Variants in ITPR1 observed in about 807,000 individuals in gnomAD.
ITPR1 encodes inositol 1,4,5-trisphosphate receptor type 1, also known as inositol 1,4,5-trisphosphate-gated calcium channel ITPR1.
In ITPR1, 96 loss-of-function variants were observed where a neutral mutation model predicts 318.4. The ratio of observed to expected loss-of-function variants is 0.30; its 90% CI spans 0.26 to 0.36. ITPR1 has a LOEUF of 0.36. ITPR1 is among the 10% of genes least tolerant of loss of function. The probability of loss-of-function intolerance (pLI) is 1.00; values close to 1 mark genes in which losing one functional copy is unlikely to be tolerated. For missense variants in ITPR1, 2,440 were observed against 3,460.2 expected, an observed-to-expected ratio of 0.71 and a Z score of 7.40; for synonymous variants, 1,312 against 1,289.9, an observed-to-expected ratio of 1.02 and a Z score of -0.37.
At chr3:4,635,081 G>C (rs2093142993) in intron 5 of ITPR1, among the ~76,000 whole-genome samples, 2 of 152,130 alleles carry the variant, frequency 1.3e-5, no homozygotes, top group African/African-American at 4.8e-5. Flanking sequence ...TTACTTCCTT[G>C]TTTGGCAGTA....
chr3:4,638,546 T>G (rs1362691368), intron 5 of ITPR1, among the ~76,000 whole-genome samples: 3 of 152,366 alleles, frequency 2.0e-5, no homozygotes, highest in Admixed American at 6.5e-5. Flanking sequence ...CAGTCTCATT[T>G]GTGACTATAC....
chr3:4,802,725 A>T (rs1275563586), intron 54 of ITPR1, among the ~76,000 whole-genome samples: 1 of 152,108 alleles, frequency 6.6e-6, no homozygotes, highest in Non-Finnish European at 1.5e-5. Flanking sequence ...GCTACTTGGG[A>T]GGCTGAGGCA....
intron 20 of ITPR1, 32 bp from the exon 21 acceptor site, chr3:4,673,104 C>A (rs372043010): frequency 6.3e-7 from 1 of 1,592,320 alleles, no homozygotes; most frequent in South Asian, 1.1e-5. Context: ...ATTTCTGGAG[C>A]GTGAGCTGTG....
At chr3:4,598,266 A>C (rs1053026530) in intron 4 of ITPR1, among the ~76,000 whole-genome samples, 2 of 152,146 alleles carry the variant, frequency 1.3e-5, no homozygotes, top group Non-Finnish European at 2.9e-5. Context: ...GTGATACTTG[A>C]GTGTAGCAAG....
intron 32 of ITPR1, among the ~76,000 whole-genome samples, chr3:4,693,019 C>A (rs934015920): frequency 1.3e-5 from 2 of 152,134 alleles, no homozygotes; most frequent in African/African-American, 4.8e-5. Flanking sequence ...ACTCAGGAGG[C>A]TGAGGCAGGA....
intron 13 of ITPR1, 131 bp from the exon 14 acceptor site, chr3:4,660,857 G>T: frequency 2.1e-6 from 1 of 467,448 alleles, no homozygotes; most frequent in Non-Finnish European, 3.8e-6. Context: ...GCCCCTTCGT[G>T]TATACTGCCC....
At chr3:4,734,990 G>A (rs188803953) in intron 43 of ITPR1, among the ~76,000 whole-genome samples, 174 bp from the exon 44 acceptor site, 1 of 152,338 alleles carries the variant, frequency 6.6e-6, no homozygotes, top group Non-Finnish European at 1.5e-5. Flanking sequence ...CTTAGGGAAA[G>A]CACCTTCATC....
intron 4 of ITPR1, among the ~76,000 whole-genome samples, chr3:4,618,767 C>T (rs2092482995): frequency 6.6e-6 from 1 of 152,190 alleles, no homozygotes; most frequent in Non-Finnish European, 1.5e-5. Flanking sequence ...GTAGCAGTGA[C>T]ATGCCCTACA....
In ITPR1 at chr3:4,670,859, G is replaced by A; in HGVS notation, c.2137G>A (p.Val713Met). The part of the protein sequence containing the change: ...DSNKEIRSKS[V>M]RELAQDAKEG... ...CAACAAAGAGATTCGCAGCAAGAGTGTGAGGGAATTGGCTCAGGATGCTAA... is the reference window on the plus strand; with the variant it reads ...CAACAAAGAGATTCGCAGCAAGAGTATGAGGGAATTGGCTCAGGATGCTAA... The change falls in exon 20 of 62, where the codon GTG becomes ATG. Residue 713 changes from valine (V) to methionine (M), a missense_variant. Coordinates refer to ENST00000649015, the MANE Select transcript of ITPR1 (RefSeq NM_001378452.1). 3 of 1,610,740 alleles carry A rather than the reference G, an allele frequency of 1.9e-6. No homozygotes were observed. Among genetic ancestry groups the A allele is most frequent in the Non-Finnish European group, 2.5e-6 (3 of 1,178,376 alleles).
intron 33 of ITPR1, among the ~76,000 whole-genome samples, chr3:4,695,764 T>G (rs142564174): frequency 8.4e-4 from 128 of 152,336 alleles, no homozygotes; most frequent in African/African-American, 2.8e-3. Context: ...TTCCTTTGCT[T>G]TGGAGCATTC....
intron 13 of ITPR1, among the ~76,000 whole-genome samples, chr3:4,658,689 G>A (rs979407854): frequency 1.3e-5 from 2 of 151,940 alleles, no homozygotes; most frequent in Non-Finnish European, 1.5e-5. Context: ...GAAGTTCACT[G>A]TTTGCATAGT....
Position 4,784,583 on chromosome 3 carries a change from A to T in ITPR1, c.6615+663A>T, listed in dbSNP as rs1248339262. ...TGTTTTTTGTTTTTTTTTTTTTTTTAAAAAAGGTGTCATGTGGCTGGGCAC... is the reference window on the plus strand; with the variant it reads ...TGTTTTTTGTTTTTTTTTTTTTTTTTAAAAAGGTGTCATGTGGCTGGGCAC... On this transcript the variant is annotated intron_variant, in intron 51 of 61. Transcript: ENST00000649015. Among the ~76,000 whole-genome samples, 55 of 107,964 alleles carry T rather than the reference A, an allele frequency of 5.1e-4. No homozygotes were observed. The East Asian group carries it at 6.8e-3, about 13-fold the overall frequency. 70.8% of individuals were successfully genotyped at this position (107,964 alleles called of 152,430 possible).
At chr3:4,702,736 G>A in intron 35 of ITPR1, 94 bp from the exon 36 acceptor site, 1 of 1,357,056 alleles carries the variant, frequency 7.4e-7, no homozygotes, top group South Asian at 1.3e-5. Flanking sequence ...CTGGGGTCCA[G>A]TGGTTCAAGA....
chr3:4,653,750 A>G, intron 11 of ITPR1, 92 bp from the exon 12 acceptor site: 1 of 824,720 alleles, frequency 1.2e-6, no homozygotes, highest in Non-Finnish European at 2.0e-6. Flanking sequence ...CTGTTCAAGG[A>G]TGTTTGCAGG....
intron 44 of ITPR1, among the ~76,000 whole-genome samples, chr3:4,754,475 G>A (rs1292125457): frequency 6.6e-6 from 1 of 152,202 alleles, no homozygotes; most frequent in Non-Finnish European, 1.5e-5. Context: ...GGTGAGCTGA[G>A]ACAGGACCTG....
At chr3:4,783,173 T>A (rs767045488) in intron 50 of ITPR1, among the ~76,000 whole-genome samples, 1 of 152,244 alleles carries the variant, frequency 6.6e-6, no homozygotes, top group Non-Finnish European at 1.5e-5. Flanking sequence ...GTTTCCCTTT[T>A]TGGGGATACG....
chr3:4,695,115 C>T (rs1289044807), intron 33 of ITPR1, among the ~76,000 whole-genome samples: 3 of 152,124 alleles, frequency 2.0e-5, no homozygotes, highest in African/African-American at 4.8e-5. Context: ...TGTACTGTCA[C>T]GGCCCTTTGT....
rs796583870 is a variant in ITPR1 at position 4,754,054 on chromosome 3, G to GT, written c.5545-12476_5545-12475insT. ...ACTGCACAAACACAGAAAATGGGGG[G>GT]GGGGTGGCAAGGATTATTCTTGGCA... On this transcript the variant is annotated intron_variant, in intron 44 of 61. Coordinates refer to ENST00000649015, the MANE Select transcript of ITPR1 (RefSeq NM_001378452.1). 2.5e-3 allele frequency among the ~76,000 whole-genome samples: 327 copies of GT among 129,546 alleles called. 5 individuals are homozygous for GT. The highest frequency in any genetic ancestry group is 9.5e-3 in the Middle Eastern group (2 of 210). The allele number at this position is 129,546 out of a possible 152,430, so 85.0% of individuals were successfully genotyped here.
At position 4,678,960 on chromosome 3, in the gene ITPR1, T is replaced by G. The variant is rs568958313; in HGVS notation, c.2968-1593T>G. On this transcript the variant is annotated intron_variant, in intron 24 of 61. Transcript: ENST00000649015. The stretch of plus-strand genomic sequence containing the variant: ...TAAGGCTTATTCTCTGTTGAGCCTT[T>G]GAAAGTCTTCAAGCGGGAGCTTAAC... Among the ~76,000 whole-genome samples, 3 of 152,290 alleles carry G rather than the reference T, an allele frequency of 2.0e-5. No individual in the cohort carries two copies. In the South Asian group the frequency reaches 6.2e-4, roughly 32 times the overall value.
Sources: allele counts gnomAD v4.1 joint callset (sites outside exome capture counted in the v4.1 genomes callset), GRCh38; gene constraint gnomAD v4.1.1; transcripts MANE v1.5; gene names NCBI Gene and HGNC (gene_info 2026-07-23, HGNC 2026-07-21).